Variants in C11orf65 observed in about 807,000 individuals in gnomAD.
The protein encoded by C11orf65 is chromosome 11 open reading frame 65, also known as protein MFI.
In C11orf65, 38 loss-of-function variants were observed where a neutral mutation model predicts 35.3. The ratio of observed to expected loss-of-function variants is 1.08; its 90% CI spans 0.83 to 1.41. C11orf65 has a LOEUF of 1.41. Among genes scored for constraint, C11orf65 ranks in the 40% most tolerant of loss-of-function variants. The pLI, the probability that C11orf65 is intolerant of heterozygous loss-of-function variation, is 0.00. For missense variants in C11orf65, 370 were observed against 367.1 expected (o/e 1.01, Z -0.06); for synonymous variants, 105 against 114.4 (o/e 0.92, Z 0.53).
downstream of C11orf65, among the ~76,000 whole-genome samples, chr11:108,378,940 C>A (rs1015765160): frequency 6.7e-6 from 1 of 148,400 alleles, no homozygotes; most frequent in African/African-American, 2.6e-5. Flanking sequence ...ACATCTCACA[C>A]CAGTTAGAGT....
intron 2 of C11orf65, among the ~76,000 whole-genome samples, chr11:108,456,022 A>C (rs560453305): frequency 6.8e-6 from 1 of 147,508 alleles, no homozygotes; most frequent in African/African-American, 2.5e-5. Flanking sequence ...AGGCATGGTG[A>C]CCCATGCCTG....
intron 2 of C11orf65, among the ~76,000 whole-genome samples, chr11:108,446,975 T>C (rs1354915889): frequency 6.6e-6 from 1 of 152,010 alleles, no homozygotes; most frequent in Non-Finnish European, 1.5e-5. Flanking sequence ...AAGGCAGGGG[T>C]TGCAATCCTA....
chr11:108,444,495 G>C (rs544355072), intron 2 of C11orf65, among the ~76,000 whole-genome samples: 32 of 152,228 alleles, frequency 2.1e-4, no homozygotes, highest in African/African-American at 7.7e-4. Context: ...TGACACCAAA[G>C]CCTGGCAGAG....
At chr11:108,375,112 G>A (rs1380537483) in intron 2 of C11orf65, among the ~76,000 whole-genome samples, 2 of 152,068 alleles carry the variant, frequency 1.3e-5, no homozygotes, top group Non-Finnish European at 2.9e-5. Flanking sequence ...GCAGGCCAAC[G>A]TTCAGGTTCA....
intron 2 of C11orf65, among the ~76,000 whole-genome samples, chr11:108,432,925 A>G (rs2093009630): frequency 6.6e-6 from 1 of 152,172 alleles, no homozygotes; most frequent in African/African-American, 2.4e-5. Context: ...GTTTAGAGCA[A>G]CAACCATTTA....
At chr11:108,400,228 G>A (rs1442751020) in intron 6 of C11orf65, among the ~76,000 whole-genome samples, 2 of 152,150 alleles carry the variant, frequency 1.3e-5, no homozygotes, top group African/African-American at 4.8e-5. Context: ...CAGGATGGAT[G>A]GTACAAGGTA....
chr11:108,460,852 T>A (rs1940218), intron 2 of C11orf65, among the ~76,000 whole-genome samples: 151,273 of 151,994 alleles, frequency 1, 75,285 homozygotes, highest in Middle Eastern at 1. Context: ...CAGCCTCCCG[T>A]GTAGCTGGGA....
chr11:108,389,918 TCTC>T (rs2092109026), intron 7 of C11orf65, among the ~76,000 whole-genome samples: 2 of 151,974 alleles, frequency 1.3e-5, no homozygotes, highest in African/African-American at 4.8e-5. Flanking sequence ...ATGGTCTCGA[TCTC>T]CTGACCTCAA....
intron 2 of C11orf65, among the ~76,000 whole-genome samples, chr11:108,371,065 C>A (rs950415739): frequency 6.6e-6 from 1 of 152,156 alleles, no homozygotes; most frequent in Non-Finnish European, 1.5e-5. Flanking sequence ...AATCCAGCAA[C>A]ACAAACAGCA....
At chr11:108,354,934 A>T (rs664143) in intron 2 of C11orf65, 2 of 1,391,472 alleles carry the variant, frequency 1.4e-6, no homozygotes, top group Non-Finnish European at 1.0e-6. Flanking sequence ...TGTGTATCTC[A>T]TCAGGAAGTC....
intron 3 of C11orf65, among the ~76,000 whole-genome samples, chr11:108,407,931 C>CAAAAA (rs1215650401): frequency 6.2e-4 from 14 of 22,572 alleles, no homozygotes; most frequent in African/African-American, 8.9e-4. Context: ...GACTCTGTCT[C>CAAAAA]AAAAAAAAAA....
Position 108,346,768 on chromosome 11 carries a change from A to T in C11orf65, c.227-11476T>A, listed in dbSNP as rs576437475. On this transcript the variant is annotated intron_variant, in intron 2 of 3. Coordinates refer to the C11orf65 transcript ENST00000524755. ...ATTTCTCCCATTAGTGCATGTCATC[A>T]TCTGTCTTAAATACAGAAATGCAGT... is the stretch of plus-strand genomic sequence containing the variant. Among the ~76,000 whole-genome samples, 6 of 152,222 alleles carry T rather than the reference A, an allele frequency of 3.9e-5. No homozygotes were observed. In the East Asian group the frequency reaches 1.2e-3, roughly 29 times the overall value.
chr11:108,358,553 G>T (rs1200754007), intron 2 of C11orf65, among the ~76,000 whole-genome samples: 1 of 126,830 alleles, frequency 7.9e-6, no homozygotes, highest in African/African-American at 3.0e-5. Context: ...GAGAAAGGTC[G>T]GGTTACCCTC....
chr11:108,335,979 TGTTA>T lies in C11orf65; in HGVS notation c.227-691_227-688del, dbSNP rs746285826. 8.9e-6 allele frequency: 14 copies of T among 1,568,082 alleles called. No homozygotes were observed. In the South Asian group the frequency reaches 1.6e-4, roughly 17 times the overall value. ...CTTATAAGGTAACTATTTGTACTTCTGTTAGTTCACCAAAAACATATAAAAGATG... is the reference window on the plus strand; with the variant it reads ...CTTATAAGGTAACTATTTGTACTTCTGTTCACCAAAAACATATAAAAGATG... On this transcript the variant is annotated intron_variant, in intron 2 of 3. Transcript: ENST00000524755.
chr11:108,441,809 C>A (rs887322296), intron 2 of C11orf65, among the ~76,000 whole-genome samples: 1 of 152,148 alleles, frequency 6.6e-6, no homozygotes, highest in Non-Finnish European at 1.5e-5. Flanking sequence ...CACCAAAATC[C>A]CATCTGTATG....
intron 2 of C11orf65, among the ~76,000 whole-genome samples, chr11:108,434,547 A>C (rs1029610316): frequency 6.6e-6 from 1 of 151,782 alleles, no homozygotes; most frequent in Non-Finnish European, 1.5e-5. Flanking sequence ...TAGGCTCAGC[A>C]ACATGAATTT....
At chr11:108,407,020 T>G in intron 4 of C11orf65, 57 bp from the exon 5 acceptor site, 1 of 1,572,434 alleles carries the variant, frequency 6.4e-7, no homozygotes, top group Non-Finnish European at 8.7e-7. Context: ...ATGTTTTACA[T>G]TTTGAAAAAT....
Position 108,400,328 on chromosome 11 carries a change from T to A in C11orf65, c.560+5101A>T, listed in dbSNP as rs115873311. On this transcript the variant is annotated intron_variant, in intron 6 of 8. Coordinates refer to ENST00000393084, the MANE Select transcript of C11orf65 (RefSeq NM_152587.5). ...GATCCTTAACTTTTTGCAAAGTTTA[T>A]CTGCCTCCTTTTAGTGTGCATTTAT... Among the ~76,000 whole-genome samples the A allele has an allele frequency of 4.5e-3, 679 of 152,322 alleles. 4 individuals are homozygous for A. Among genetic ancestry groups the A allele is most frequent in the African/African-American group, 0.015 (619 of 41,582 alleles).
chr11:108,352,293 G>T (rs1395343084), intron 2 of C11orf65, among the ~76,000 whole-genome samples: 1 of 152,136 alleles, frequency 6.6e-6, no homozygotes, highest in African/African-American at 2.4e-5. Context: ...AATATAGTAA[G>T]TCTCAGCACA....
Sources: gnomAD v4.1 joint callset for allele counts (sites outside exome capture counted in the v4.1 genomes callset) on GRCh38, gnomAD v4.1.1 for gene constraint, MANE v1.5 for transcripts, NCBI Gene and HGNC (gene_info 2026-07-23, HGNC 2026-07-21) for gene names.